Variants in MAP3K13 observed in about 807,000 individuals in gnomAD.
MAP3K13 encodes the protein leucine zipper-bearing kinase.
A neutral mutation model predicts 104.0 loss-of-function variants in MAP3K13; 52 were observed. The observed-to-expected ratio is 0.50, with a 90% CI of 0.40 to 0.63. The LOEUF (loss-of-function observed/expected upper bound fraction) is 0.63. Ranked by LOEUF, MAP3K13 falls within the 20% of genes least tolerant of loss-of-function variation. The pLI is 0.00. For synonymous variants in MAP3K13, 394 were observed against 442.2 expected, an observed-to-expected ratio of 0.89 and a Z score of 1.37; for missense variants, 914 against 1,218.5, an observed-to-expected ratio of 0.75 and a Z score of 3.72.
chr3:185,400,528 A>C (rs1342035214), intron 1 of MAP3K13, among the ~76,000 whole-genome samples: 1 of 152,248 alleles, frequency 6.6e-6, no homozygotes, highest in Admixed American at 6.5e-5. Context: ...GTCAGTGAGC[A>C]GAATAGCAAA....
intron 2 of MAP3K13, among the ~76,000 whole-genome samples, chr3:185,313,575 A>G (rs980760339): frequency 6.6e-6 from 1 of 152,092 alleles, no homozygotes; most frequent in African/African-American, 2.4e-5. Context: ...TGCCAATAGT[A>G]CAATTTTTAT....
At chr3:185,382,061 C>T (rs943225205) in intron 1 of MAP3K13, among the ~76,000 whole-genome samples, 4 of 152,132 alleles carry the variant, frequency 2.6e-5, no homozygotes, top group African/African-American at 4.8e-5. Flanking sequence ...GTACACTAGT[C>T]CCCCCTTATC....
chr3:185,342,251 A>G (rs1722747001), intron 2 of MAP3K13, among the ~76,000 whole-genome samples: 1 of 152,130 alleles, frequency 6.6e-6, no homozygotes, highest in Non-Finnish European at 1.5e-5. Context: ...ACTGTATGAG[A>G]AAATAAATGT....
intron 2 of MAP3K13, among the ~76,000 whole-genome samples, chr3:185,432,252 G>A (rs1263695111): frequency 2.9e-5 from 4 of 136,524 alleles, no homozygotes; most frequent in Non-Finnish European, 4.6e-5. Flanking sequence ...CGCAATGGGT[G>A]TGATCTTGGC....
At chr3:185,301,185 A>G (rs1721091576) in intron 2 of MAP3K13, among the ~76,000 whole-genome samples, 1 of 151,938 alleles carries the variant, frequency 6.6e-6, no homozygotes, top group African/African-American at 2.4e-5. Flanking sequence ...ATGAGGTGAT[A>G]CTATTCTGGT....
At chr3:185,298,947 A>G (rs1028385425) in intron 2 of MAP3K13, among the ~76,000 whole-genome samples, 2 of 152,240 alleles carry the variant, frequency 1.3e-5, no homozygotes, top group African/African-American at 2.4e-5. Context: ...TTGAAAGTTT[A>G]TAGTGTATCT....
intron 1 of MAP3K13, among the ~76,000 whole-genome samples, 191 bp from the exon 2 acceptor site, chr3:185,428,306 G>A (rs1714544371): frequency 6.6e-6 from 1 of 151,766 alleles, no homozygotes; most frequent in Non-Finnish European, 1.5e-5. Context: ...AATGTGTCAT[G>A]GATATTTTGT....
chr3:185,407,125 C>T lies in MAP3K13; in HGVS notation c.-85-21372C>T, dbSNP rs189443866. On this transcript the variant is annotated intron_variant, in intron 1 of 13. Transcript: ENST00000265026. ...TAAGTTGATTTGCCTCAGTAAATGA[C>T]GGAAATTGTACATGAGCTGATTATC... is the stretch of plus-strand genomic sequence containing the variant. Among the ~76,000 whole-genome samples, 145 of 152,202 alleles carry T rather than the reference C, an allele frequency of 9.5e-4. 1 individual carries two copies. The highest frequency in any genetic ancestry group is 3.3e-3 in the African/African-American group (136 of 41,536).
chr3:185,373,448 C>A (rs1388448429), intron 1 of MAP3K13, among the ~76,000 whole-genome samples: 2 of 152,092 alleles, frequency 1.3e-5, no homozygotes, highest in Non-Finnish European at 2.9e-5. Flanking sequence ...TCGAGACTAG[C>A]CTGGCCAACA....
intron 12 of MAP3K13, 170 bp from the exon 13 acceptor site, chr3:185,480,062 C>A: frequency 1.5e-6 from 1 of 658,944 alleles, no homozygotes; most frequent in Non-Finnish European, 2.6e-6. Flanking sequence ...AAAATTCAGT[C>A]CATTGCCTTA....
intron 7 of MAP3K13, among the ~76,000 whole-genome samples, chr3:185,455,166 T>G (rs1379534865): frequency 2.0e-5 from 1 of 48,932 alleles, no homozygotes; most frequent in Non-Finnish European, 4.4e-5. Context: ...ATATGATATA[T>G]ATGAGATATA....
At chr3:185,357,098 GTT>G (rs1205660915) in intron 2 of MAP3K13, among the ~76,000 whole-genome samples, 1 of 147,354 alleles carries the variant, frequency 6.8e-6, no homozygotes. Context: ...GAGTTAAGAA[GTT>G]TTTTTTTTTT....
chr3:185,385,165 T>A (rs1577492803), intron 1 of MAP3K13, among the ~76,000 whole-genome samples: 1 of 152,180 alleles, frequency 6.6e-6, no homozygotes, highest in East Asian at 1.9e-4. Context: ...AATCTTTTTT[T>A]TTGGAGGCAA....
At chr3:185,284,474 G>T (rs970031290) in intron 1 of MAP3K13, among the ~76,000 whole-genome samples, 1 of 152,178 alleles carries the variant, frequency 6.6e-6, no homozygotes, top group Non-Finnish European at 1.5e-5. Context: ...CCAGCACTTT[G>T]CGAGGCCAAG....
In MAP3K13 at chr3:185,483,595, G is replaced by T. The variant is rs138607893; in HGVS notation, c.*1139G>T. 633 of 218,946 alleles carry T rather than the reference G, an allele frequency of 2.9e-3. 5 individuals are homozygous for T. Among genetic ancestry groups the T allele is most frequent in the African/African-American group, 0.013 (583 of 44,542 alleles). The allele number at this position is 218,946 out of a possible 1,614,324, so 13.6% of individuals were successfully genotyped here. A position where few individuals can be genotyped will look rare whatever the true frequency, so the allele number is the denominator to read the frequency against. ...GTTGCTTGTCTACTTGAGTCATATT[G>T]ATTCAAGCAGGAGAACAGACTTTGA... On this transcript the variant is annotated 3_prime_UTR_variant, in exon 14 of 14. Coordinates refer to ENST00000265026, the MANE Select transcript of MAP3K13 (RefSeq NM_004721.5).
At chr3:185,386,573 T>C (rs1711706381) in intron 1 of MAP3K13, among the ~76,000 whole-genome samples, 1 of 152,166 alleles carries the variant, frequency 6.6e-6, no homozygotes, top group African/African-American at 2.4e-5. Flanking sequence ...GGAATATAAA[T>C]CACTCTACTC....
intron 2 of MAP3K13, among the ~76,000 whole-genome samples, chr3:185,327,950 G>A (rs1722097614): frequency 6.8e-6 from 1 of 147,768 alleles, no homozygotes; most frequent in South Asian, 2.2e-4. Flanking sequence ...GAAGCAGGAA[G>A]GAGGGAGGGA....
intron 12 of MAP3K13, among the ~76,000 whole-genome samples, chr3:185,479,955 C>G (rs1057016333): frequency 6.6e-6 from 1 of 152,166 alleles, no homozygotes; most frequent in Non-Finnish European, 1.5e-5. Context: ...GGACCTCACC[C>G]TTATGATCCA....
intron 1 of MAP3K13, among the ~76,000 whole-genome samples, chr3:185,283,899 T>TTTC (rs1720404313): frequency 9.3e-6 from 1 of 107,088 alleles, no homozygotes; most frequent in Non-Finnish European, 1.8e-5. Flanking sequence ...TCTTTCTTTC[T>TTTC]TTTTTTTTTT....
Sources: allele counts gnomAD v4.1 joint callset (sites outside exome capture counted in the v4.1 genomes callset), GRCh38; gene constraint gnomAD v4.1.1; transcripts MANE v1.5; gene names NCBI Gene and HGNC (gene_info 2026-07-23, HGNC 2026-07-21).